APPL2: variants seen among roughly 807,000 people sequenced by gnomAD.
The protein encoded by APPL2 is DCC-interacting protein 13-beta.
A neutral mutation model predicts 92.7 loss-of-function variants in APPL2; 84 were observed. That is an observed-to-expected ratio of 0.91 (90% confidence interval 0.76 to 1.09). The LOEUF is 1.09. Among genes scored for constraint, APPL2 ranks in the 50% least tolerant of loss-of-function variants. The pLI is 0.00. For missense variants in APPL2, 736 were observed against 824.5 expected (o/e 0.89, Z 1.31); for synonymous variants, 291 against 291.0 (o/e 1.00, Z 0.00).
intron 14 of APPL2, among the ~76,000 whole-genome samples, 157 bp from the exon 15 acceptor site, chr12:105,190,312 C>T (rs1222207230): frequency 6.6e-6 from 1 of 152,176 alleles, no homozygotes. Context: ...TTCAAACTTC[C>T]TTCATATCCT....
intron 19 of APPL2, 189 bp from the exon 20 acceptor site, chr12:105,176,271 C>T (rs760067711): frequency 7.0e-5 from 39 of 557,458 alleles, no homozygotes; most frequent in Non-Finnish European, 1.2e-4. Flanking sequence ...ACCTCTGTTG[C>T]CAATTTATGC....
intron 4 of APPL2, among the ~76,000 whole-genome samples, chr12:105,215,374 A>G (rs1001880397): frequency 7.2e-5 from 11 of 152,230 alleles, no homozygotes; most frequent in African/African-American, 2.4e-4. Flanking sequence ...TTTGGTGACC[A>G]AAGTGTGCTG....
intron 9 of APPL2, among the ~76,000 whole-genome samples, chr12:105,200,130 G>A (rs545054314): frequency 1.5e-4 from 23 of 152,136 alleles, no homozygotes; most frequent in East Asian, 3.9e-4. Flanking sequence ...CACCGCGCCC[G>A]GCTGAACCCA....
rs370645949 is a variant in APPL2 at position 105,197,804 on chromosome 12, C to T, written c.1013G>A (p.Arg338Gln). 40 of 1,614,032 alleles carry T rather than the reference C, an allele frequency of 2.5e-5. No homozygotes were observed. The highest frequency in any genetic ancestry group is 2.9e-5 in the Non-Finnish European group (34 of 1,180,050). ...CSVMAVDCED[R>Q]RYCFQITTPN... ...CGTGGTGATCTGGAAGCAGTAGCGC[C>T]GGTCTTCGCAATCCACGGCCATCAC... Residue 338 changes from arginine to glutamine, a missense_variant, in exon 11 of 21, where the codon CGG (arginine) becomes CAG (glutamine). Coordinates refer to ENST00000258530, the MANE Select transcript of APPL2 (RefSeq NM_018171.5).
At chr12:105,205,274 A>T (rs1327565136) in intron 8 of APPL2, among the ~76,000 whole-genome samples, 3 of 152,218 alleles carry the variant, frequency 2.0e-5, no homozygotes, top group African/African-American at 7.2e-5. Flanking sequence ...ATTTAAAAAT[A>T]ATGCATAGGG....
intron 4 of APPL2, among the ~76,000 whole-genome samples, chr12:105,216,043 G>A (rs1262150969): frequency 6.6e-6 from 1 of 152,190 alleles, no homozygotes; most frequent in Non-Finnish European, 1.5e-5. Context: ...AACAAAAAAA[G>A]ATGGAACTAT....
At chr12:105,180,736 T>C (rs923446821) in intron 17 of APPL2, among the ~76,000 whole-genome samples, 12 of 152,226 alleles carry the variant, frequency 7.9e-5, no homozygotes, top group African/African-American at 2.2e-4. Context: ...CAATTGTGAA[T>C]GGGAGTTCAC....
At chr12:105,228,034 A>T (rs1253911147) in intron 2 of APPL2, among the ~76,000 whole-genome samples, 1 of 152,052 alleles carries the variant, frequency 6.6e-6, no homozygotes, top group Non-Finnish European at 1.5e-5. Flanking sequence ...CTGCCTCCCA[A>T]CCCAACTGTC....
chr12:105,186,092 T>G (rs1256717158), intron 17 of APPL2, among the ~76,000 whole-genome samples: 2 of 152,236 alleles, frequency 1.3e-5, no homozygotes, highest in South Asian at 4.1e-4. Context: ...ATCCATGTTG[T>G]AGCACTTATC....
Position 105,188,450 on chromosome 12 carries a change from G to A in APPL2, c.1460-3C>T, listed in dbSNP as rs755939958. The A allele has an allele frequency of 1.8e-5, 29 of 1,613,698 alleles. No individual in the cohort carries two copies. The highest frequency in any genetic ancestry group is 1.7e-4 in the Admixed American group (10 of 59,978). ...AAACATCTGCTGCAAAAGAGAATCT[G>A]GAAGACAGCATTTTCCACTCAGGAT... On this transcript the variant is annotated splice_polypyrimidine_tract_variant and splice_region_variant and intron_variant, in intron 16 of 20. Coordinates refer to ENST00000258530, the MANE Select transcript of APPL2 (RefSeq NM_018171.5).
chr12:105,228,343 A>C (rs1890677300), intron 2 of APPL2, among the ~76,000 whole-genome samples: 2 of 152,180 alleles, frequency 1.3e-5, no homozygotes, highest in Admixed American at 6.5e-5. Context: ...TCAGCACTCA[A>C]AAAGTTACAG....
At chr12:105,222,152 G>A (rs1197364388) in intron 2 of APPL2, among the ~76,000 whole-genome samples, 19 of 152,234 alleles carry the variant, frequency 1.2e-4, no homozygotes, top group Admixed American at 1.2e-3. Flanking sequence ...CAAGAACGCG[G>A]CTGGAGCGTC....
At chr12:105,212,221 G>C (rs1889284018) in intron 4 of APPL2, among the ~76,000 whole-genome samples, 2 of 151,640 alleles carry the variant, frequency 1.3e-5, no homozygotes, top group African/African-American at 2.4e-5. Flanking sequence ...AACTGCATTT[G>C]GATGTGATGC....
At chr12:105,218,786 T>C (rs1889888903) in intron 2 of APPL2, among the ~76,000 whole-genome samples, 1 of 152,188 alleles carries the variant, frequency 6.6e-6, no homozygotes. Context: ...TGATGGATGG[T>C]AACAGAAGCA....
At chr12:105,211,426 C>G (rs555378531) in intron 4 of APPL2, 109 bp from the exon 5 acceptor site, 1 of 740,238 alleles carries the variant, frequency 1.4e-6, no homozygotes, top group East Asian at 2.7e-5. Flanking sequence ...TCACAGAGCT[C>G]AGGCAGACTT....
chr12:105,194,187 T>C lies in APPL2; in HGVS notation c.1241+1074A>G, dbSNP rs1206152653. Among the ~76,000 whole-genome samples, 4 of 152,192 alleles carry C rather than the reference T, an allele frequency of 2.6e-5. 1 individual carries two copies. The highest frequency in any genetic ancestry group is 4.8e-5 in the African/African-American group (2 of 41,442). ...CACCAAATATAGTCGTAATTTTAAT[T>C]TACCCTTTAATGCCAGGCTTTCATT... On this transcript the variant is annotated intron_variant, in intron 14 of 20. Transcript: ENST00000258530.
intron 6 of APPL2, 29 bp from the exon 7 acceptor site, chr12:105,208,058 AG>A: frequency 6.2e-7 from 1 of 1,613,898 alleles, no homozygotes; most frequent in Non-Finnish European, 8.5e-7. Flanking sequence ...CTGAACACCC[AG>A]GAGGGTCAGG....
At chr12:105,186,622 T>TATATCATATATATGATATTG (rs1555248005) in intron 17 of APPL2, among the ~76,000 whole-genome samples, 3 of 125,678 alleles carry the variant, frequency 2.4e-5, no homozygotes, top group African/African-American at 6.6e-5. Context: ...ATATCATATA[T>TATATCATATATATGATATTG]ATATCATATA....
intron 7 of APPL2, 63 bp downstream of exon 7, chr12:105,207,908 A>C (rs1177860065): frequency 2.7e-6 from 4 of 1,457,800 alleles, no homozygotes; most frequent in Admixed American, 3.4e-5. Flanking sequence ...TAAATTCACA[A>C]GAGGAAGGCA....
Sources: gnomAD v4.1 joint callset for allele counts (sites outside exome capture counted in the v4.1 genomes callset) on GRCh38, gnomAD v4.1.1 for gene constraint, MANE v1.5 for transcripts, NCBI Gene and HGNC (gene_info 2026-07-23, HGNC 2026-07-21) for gene names.